Variants in BLTP1 observed in about 807,000 individuals in gnomAD.
The protein encoded by BLTP1 is bridge-like lipid transfer protein family member 1.
chr4:122,275,149 A>AGAG, the BLTP1 span, among the ~76,000 whole-genome samples: 1 of 152,094 alleles, frequency 6.6e-6, no homozygotes, highest in Non-Finnish European at 1.5e-5. Context: ...GGTGGTTGTG[A>AGAG]GAGATGAGAT....
the BLTP1 span, chr4:122,263,534 G>A: frequency 6.2e-7 from 1 of 1,613,176 alleles, no homozygotes; most frequent in Non-Finnish European, 8.5e-7. Flanking sequence ...AAATGCTGTG[G>A]GTAATCGAGG....
chr4:122,255,478 C>T, the BLTP1 span, among the ~76,000 whole-genome samples: 1 of 152,200 alleles, frequency 6.6e-6, no homozygotes, highest in Non-Finnish European at 1.5e-5. Flanking sequence ...AACTCTGTCT[C>T]TACTAAAAAT....
At chr4:122,158,117 G>C in the BLTP1 span, among the ~76,000 whole-genome samples, 4 of 152,150 alleles carry the variant, frequency 2.6e-5, no homozygotes, top group Admixed American at 2.6e-4. Context: ...GTTGATGCTA[G>C]CATTTTAGTG....
At chr4:122,188,176 CTA>C in the BLTP1 span, 1 of 1,258,888 alleles carries the variant, frequency 7.9e-7, no homozygotes, top group Middle Eastern at 2.9e-4. Context: ...ACTTTTTTTG[CTA>C]CAAGTTGTAC....
At chr4:122,319,538 AAT>A in the BLTP1 span, among the ~76,000 whole-genome samples, 1 of 142,450 alleles carries the variant, frequency 7.0e-6, no homozygotes, top group Non-Finnish European at 1.5e-5. Context: ...TATGATTTAT[AAT>A]TTTTTTTTTT....
chr4:122,282,620 C>T, the BLTP1 span, among the ~76,000 whole-genome samples: 7 of 151,944 alleles, frequency 4.6e-5, 1 homozygote, highest in South Asian at 1.0e-3. Flanking sequence ...CCAGCCTTGG[C>T]GACAGAGTGA....
the BLTP1 span, chr4:122,189,188 CATG>C: frequency 4.9e-5 from 39 of 798,820 alleles, no homozygotes; most frequent in Non-Finnish European, 3.0e-5. Context: ...GTGGAGATTA[CATG>C]ATGATATTAA....
At chr4:122,168,760 A>G in the BLTP1 span, among the ~76,000 whole-genome samples, 1 of 152,154 alleles carries the variant, frequency 6.6e-6, no homozygotes, top group Non-Finnish European at 1.5e-5. Flanking sequence ...CATTTTCTTA[A>G]TCTTCTCTAG....
the BLTP1 span, among the ~76,000 whole-genome samples, chr4:122,213,471 T>TTTCATACATACATATATGAAAATA: frequency 6.6e-6 from 1 of 152,160 alleles, no homozygotes; most frequent in African/African-American, 2.4e-5. Context: ...ATTTTCTTGT[T>TTTCATACATACATATATGAAAATA]CATGTATTTT....
the BLTP1 span, chr4:122,269,797 T>G: frequency 3.2e-5 from 15 of 470,774 alleles, no homozygotes; most frequent in Non-Finnish European, 4.2e-5. Flanking sequence ...TACATGATAG[T>G]TTCTTTGTCT....
chr4:122,207,513 T>G, the BLTP1 span: 1 of 1,467,160 alleles, frequency 6.8e-7, no homozygotes, highest in Non-Finnish European at 9.1e-7. Context: ...TACTTTTTCT[T>G]CTTTTTTTTT....
At chr4:122,193,307 G>T in the BLTP1 span, among the ~76,000 whole-genome samples, 1 of 152,074 alleles carries the variant, frequency 6.6e-6, no homozygotes, top group Admixed American at 6.6e-5. Context: ...TTATATTAAA[G>T]ATTAGGGGAG....
At chr4:122,343,335 G>C in the BLTP1 span, 1 of 1,571,738 alleles carries the variant, frequency 6.4e-7, no homozygotes, top group Admixed American at 1.8e-5. Flanking sequence ...AGTCATGTCT[G>C]GTTCTTAAGA....
the BLTP1 span, chr4:122,154,060 G>A: frequency 1.0e-6 from 1 of 981,112 alleles, no homozygotes; most frequent in Non-Finnish European, 1.2e-6. Context: ...AAGGCTATCT[G>A]AAGAAAAGTA....
At chr4:122,307,029 G>A in the BLTP1 span, among the ~76,000 whole-genome samples, 1 of 151,926 alleles carries the variant, frequency 6.6e-6, no homozygotes, top group Non-Finnish European at 1.5e-5. Flanking sequence ...TGTACCCTTG[G>A]TGTCCTTGAC....
chr4:122,284,024 G>T, the BLTP1 span, among the ~76,000 whole-genome samples: 1 of 152,098 alleles, frequency 6.6e-6, no homozygotes, highest in East Asian at 1.9e-4. Flanking sequence ...AGGTTTTTGT[G>T]CGTCTTTTAC....
chr4:122,334,344 T>G, the BLTP1 span: 1 of 1,533,004 alleles, frequency 6.5e-7, no homozygotes, highest in Non-Finnish European at 9.0e-7. Context: ...TTCAATACAG[T>G]TGCATTACAA....
chr4:122,165,247 G>A, the BLTP1 span, among the ~76,000 whole-genome samples: 13 of 151,712 alleles, frequency 8.6e-5, no homozygotes, highest in African/African-American at 2.7e-4. Flanking sequence ...GATAGGCCCC[G>A]GTGTGTGATG....
the BLTP1 span, chr4:122,256,255 T>G: frequency 7.8e-6 from 6 of 773,014 alleles, no homozygotes; most frequent in South Asian, 3.5e-4. Flanking sequence ...AAAAGACACT[T>G]AGACCTAAGG....
Sources: gnomAD v4.1 joint callset for allele counts (sites outside exome capture counted in the v4.1 genomes callset) on GRCh38, gnomAD v4.1.1 for gene constraint, MANE v1.5 for transcripts, NCBI Gene and HGNC (gene_info 2026-07-23, HGNC 2026-07-21) for gene names.